DNAH1: variants seen among roughly 807,000 people sequenced by gnomAD.
DNAH1 encodes the protein axonemal beta dynein heavy chain 1.
In DNAH1, 327 loss-of-function variants were observed where a neutral mutation model predicts 484.3. The ratio of observed to expected loss-of-function variants is 0.68; its 90% CI spans 0.62 to 0.74. DNAH1 has a LOEUF of 0.74. Ranked by LOEUF, DNAH1 falls within the 30% of genes least tolerant of loss-of-function variation. The pLI is 0.00. For missense variants in DNAH1, 5,052 were observed against 5,546.8 expected (o/e 0.91, Z 2.83); for synonymous variants, 2,192 against 2,191.9 (o/e 1.00, Z 0.00).
At position 52,331,213 on chromosome 3, in the gene DNAH1, GAGA is replaced by G; in HGVS notation, c.943_945del (p.Lys315del). ...GGTCGGCGTCCTGGACTACGACGAGGAGAAGAAGCTATACCTGGTACACAAGAC... is the reference window on the plus strand; with the variant it reads ...GGTCGGCGTCCTGGACTACGACGAGGAGAAGCTATACCTGGTACACAAGAC... On this transcript the variant is annotated inframe_deletion, in exon 7 of 78. Transcript: ENST00000420323. 7 of 1,610,044 alleles carry G rather than the reference GAGA, an allele frequency of 4.3e-6. No individual in the cohort carries two copies. Among genetic ancestry groups the G allele is most frequent in the Middle Eastern group, 1.7e-4 (1 of 6,058 alleles).
intron 44 of DNAH1, chr3:52,373,956 C>T: frequency 8.1e-7 from 1 of 1,227,746 alleles, no homozygotes; most frequent in Non-Finnish European, 1.2e-6. Context: ...AGGCTGGCTT[C>T]ATCTACACTT....
Position 52,359,287 on chromosome 3 carries a change from G to A in DNAH1, c.4308G>A (p.Val1436=). The change falls in exon 26 of 78, where the codon GTG becomes GTA. Residue 1436 remains valine (V), a synonymous_variant. Transcript: ENST00000420323. ...TQWVLNWPGQ[V]TIAGCQTYWT... ...GGGTTCTGAACTGGCCTGGCCAGGTGACCATCGCTGGGTGCCAGACCTACT... is the reference window on the plus strand; with the variant it reads ...GGGTTCTGAACTGGCCTGGCCAGGTAACCATCGCTGGGTGCCAGACCTACT... The A allele has an allele frequency of 6.4e-7, 1 of 1,568,664 alleles. No individual in the cohort carries two copies. The highest frequency in any genetic ancestry group is 1.8e-5 in the Admixed American group (1 of 54,270).
At chr3:52,325,784 C>T (rs1701315277) in intron 3 of DNAH1, among the ~76,000 whole-genome samples, 1 of 152,168 alleles carries the variant, frequency 6.6e-6, no homozygotes. Context: ...GAGACCATCC[C>T]ATTTCATCTT....
chr3:52,385,382 G>A lies in DNAH1; in HGVS notation c.8560G>A (p.Glu2854Lys), dbSNP rs1222663232. 6.4e-7 allele frequency: 1 copy of A among 1,552,868 alleles called. No homozygotes were observed. Among genetic ancestry groups the A allele is most frequent in the Non-Finnish European group, 8.7e-7 (1 of 1,147,732 alleles). ...TGTAGCCAAGATGCAGGAGGACCTG[G>A]AGAGTATGCACCCCCTGCTGGAGGA... ...EDVAKMQEDL[E>K]SMHPLLEEAA... The change falls in exon 54 of 78, where the codon GAG (glutamate) becomes AAG (lysine). Residue 2854 changes from glutamate (E) to lysine (K), a missense_variant. Around this residue, in one of 4 missense-constraint regions of DNAH1, gnomAD observed 2,929 missense variants for 3,409.4 expected, o/e 0.86. Coordinates refer to ENST00000420323, the MANE Select transcript of DNAH1 (RefSeq NM_015512.5).
Position 52,359,281 on chromosome 3 carries a change from C to A in DNAH1, c.4302C>A (p.Gly1434=), listed in dbSNP as rs1013080597. ...CCCAGTGGGTTCTGAACTGGCCTGG[C>A]CAGGTGACCATCGCTGGGTGCCAGA... ...PRTQWVLNWP[G]QVTIAGCQTY... Residue 1434 remains glycine, a synonymous_variant, in exon 26 of 78, where the codon GGC becomes GGA. Transcript: ENST00000420323. The A allele has an allele frequency of 2.6e-6, 4 of 1,568,422 alleles. No homozygotes were observed. In the African/African-American group the frequency reaches 5.4e-5, roughly 21 times the overall value.
rs1703714026 is a variant in DNAH1 at position 52,378,741 on chromosome 3, C to T, written c.7338C>T (p.Val2446=). The part of the protein sequence containing the change: ...YTFNLRDLSK[V]FQGMLMADPA... Reference sequence around the variant, plus strand: ...TCAACCTGAGGGACCTCTCCAAGGTCTTCCAAGGCATGCTCATGGCTGACC... The same window carrying T: ...TCAACCTGAGGGACCTCTCCAAGGTTTTCCAAGGCATGCTCATGGCTGACC... The change falls in exon 47 of 78, where the codon GTC becomes GTT. Residue 2446 remains valine (V), a synonymous_variant. Transcript: ENST00000420323. 6.2e-7 allele frequency: 1 copy of T among 1,613,686 alleles called. No individual in the cohort carries two copies. The highest frequency in any genetic ancestry group is 1.3e-5 in the African/African-American group (1 of 74,922).
rs1440228860 is a variant in DNAH1 at position 52,368,573 on chromosome 3, A to G, written c.5766-168A>G. ...CATAAGCACATGTTTTCATTACACC[A>G]TGTGACACCAAAAAAATCCCACTTT... On this transcript the variant is annotated intron_variant, in intron 36 of 77. Transcript: ENST00000420323. The surrounding 1 kb of genome is among the most constrained non-coding windows in gnomAD (Gnocchi z 4.4). Among the ~76,000 whole-genome samples the G allele has an allele frequency of 6.6e-6, 1 of 152,156 alleles. No individual in the cohort carries two copies. Among genetic ancestry groups the G allele is most frequent in the Non-Finnish European group, 1.5e-5 (1 of 68,022 alleles).
At chr3:52,339,789 G>T (rs2153223505) in intron 8 of DNAH1, among the ~76,000 whole-genome samples, 1 of 150,958 alleles carries the variant, frequency 6.6e-6, no homozygotes, top group East Asian at 1.9e-4. Context: ...TTTAGAATGT[G>T]CTCTGTGTGT....
intron 9 of DNAH1, among the ~76,000 whole-genome samples, chr3:52,345,113 G>A (rs1046567871): frequency 1.3e-5 from 2 of 152,222 alleles, no homozygotes; most frequent in African/African-American, 4.8e-5. Context: ...GGTGTGGACA[G>A]TGGGCATTCC....
chr3:52,345,281 G>A (rs1163301352), intron 9 of DNAH1, among the ~76,000 whole-genome samples: 1 of 152,184 alleles, frequency 6.6e-6, no homozygotes, highest in Non-Finnish European at 1.5e-5. Flanking sequence ...GGTCCTGGAA[G>A]GAATTCCTTT....
Position 52,350,115 on chromosome 3 carries a change from C to T in DNAH1, c.2646+7C>T. On this transcript the variant is annotated splice_region_variant and intron_variant, in intron 15 of 77. Transcript: ENST00000420323. The stretch of plus-strand genomic sequence containing the variant: ...GAGGCTGGTGGGCCTGGAGGTGAGG[C>T]AGGCACACGGGCACTGGGGCCAGGG... The T allele has an allele frequency of 6.2e-7, 1 of 1,609,472 alleles. No individual in the cohort carries two copies. The highest frequency in any genetic ancestry group is 8.5e-7 in the Non-Finnish European group (1 of 1,178,738).
Position 52,366,720 on chromosome 3 carries a change from G to C in DNAH1, c.5611-13G>C, listed in dbSNP as rs1349502755. ...TCTCTGGGAGCCTCACTCTCAGGCG[G>C]TCCGTCTCCCAGTGTTACAGAGTCC... On this transcript the variant is annotated splice_polypyrimidine_tract_variant and intron_variant, in intron 35 of 77. Transcript: ENST00000420323. 1 of 1,602,590 alleles carries C rather than the reference G, an allele frequency of 6.2e-7. No individual in the cohort carries two copies. Among genetic ancestry groups the C allele is most frequent in the East Asian group, 2.2e-5 (1 of 44,666 alleles).
At chr3:52,332,743 G>C (rs1314272211) in intron 8 of DNAH1, among the ~76,000 whole-genome samples, 1 of 152,160 alleles carries the variant, frequency 6.6e-6, no homozygotes, top group Non-Finnish European at 1.5e-5. Context: ...AAAACCCTTA[G>C]ATGATGATTT....
rs1202119020 is a variant in DNAH1 at position 52,381,640 on chromosome 3, A to T, written c.7609A>T (p.Met2537Leu). Residue 2537 changes from methionine to leucine, a missense_variant and splice_region_variant, in exon 49 of 78, where the codon ATG (methionine) becomes TTG (leucine). Transcript: ENST00000420323. The surrounding 1 kb of genome is among the most constrained non-coding windows in gnomAD (Gnocchi z 4.1). The stretch of plus-strand genomic sequence containing the variant: ...TCCCCATCCTCGCCTTGGTGCACAG[A>T]TGATGCAGGTGATAGAGGAGTACAT... ...SYELITSESK[M>L]MQVIEEYIED... 1 of 1,601,676 alleles carries T rather than the reference A, an allele frequency of 6.2e-7. No individual in the cohort carries two copies. Among genetic ancestry groups the T allele is most frequent in the Non-Finnish European group, 8.5e-7 (1 of 1,173,052 alleles).
intron 46 of DNAH1, among the ~76,000 whole-genome samples, chr3:52,377,470 C>T (rs539438128): frequency 2.8e-4 from 43 of 152,098 alleles, no homozygotes; most frequent in Non-Finnish European, 5.9e-5. Context: ...CTATCTTCCG[C>T]TTGGGGCCAC....
At chr3:52,392,710 C>T in intron 64 of DNAH1, 21 bp downstream of exon 64, 1 of 1,574,986 alleles carries the variant, frequency 6.3e-7, no homozygotes, top group Non-Finnish European at 8.6e-7. Flanking sequence ...GCCTGCCCAC[C>T]CACCTGCCCC....
rs747554844 is a variant in DNAH1 at position 52,350,068 on chromosome 3, A to G, written c.2606A>G (p.Glu869Gly). Residue 869 changes from glutamate to glycine, a missense_variant, in exon 15 of 78, where the codon GAG (glutamate) becomes GGG (glycine). Glu to Gly is a moderately conservative substitution (Grantham distance 98). Transcript: ENST00000420323. Reference protein sequence around the residue: ...NSIEELAELREWMKGIPERLV... With the variant: ...NSIEELAELRGWMKGIPERLV... The stretch of plus-strand genomic sequence containing the variant: ...ATTGAGGAGCTGGCTGAGCTGCGAG[A>G]GTGGATGAAGGGCATCCCGGAGAGG... The G allele has an allele frequency of 6.2e-7, 1 of 1,612,970 alleles. No individual in the cohort carries two copies. Among genetic ancestry groups the G allele is most frequent in the Non-Finnish European group, 8.5e-7 (1 of 1,179,716 alleles).
At chr3:52,374,465 A>G in intron 44 of DNAH1, 1 of 1,364,958 alleles carries the variant, frequency 7.3e-7, no homozygotes, top group South Asian at 1.2e-5. Context: ...CAAAAGAAGT[A>G]ATGTTCTTAA....
At position 52,339,804 on chromosome 3, in the gene DNAH1, C is replaced by T. The variant is rs186007490; in HGVS notation, c.1287-4686C>T. On this transcript the variant is annotated intron_variant, in intron 8 of 77. Coordinates refer to ENST00000420323, the MANE Select transcript of DNAH1 (RefSeq NM_015512.5). ...TTTAGAATGTGCTCTGTGTGTGTGT[C>T]TGTGTGTGTGTGTGTGTGTGTGTGT... 4.0e-3 allele frequency among the ~76,000 whole-genome samples: 588 copies of T among 146,630 alleles called. 5 individuals are homozygous for T. Among genetic ancestry groups the T allele is most frequent in the South Asian group, 0.024 (111 of 4,596 alleles).
Sources: allele counts gnomAD v4.1 joint callset (sites outside exome capture counted in the v4.1 genomes callset), GRCh38; gene constraint gnomAD v4.1.1; regional missense constraint gnomAD v4.1.1; non-coding constraint Gnocchi (gnomAD v3.1); transcripts MANE v1.5; gene names NCBI Gene and HGNC (gene_info 2026-07-23, HGNC 2026-07-21).